CADM2: variants seen among roughly 807,000 people sequenced by gnomAD.
CADM2 encodes the protein cell adhesion molecule 2.
Under a neutral mutation model 49.8 loss-of-function variants are expected in CADM2, and 12 were observed. The ratio of observed to expected loss-of-function variants is 0.24; its 90% CI spans 0.15 to 0.39. The LOEUF (loss-of-function observed/expected upper bound fraction) is 0.39. CADM2 is among the 10% of genes least tolerant of loss of function. The pLI is 1.00. For missense variants in CADM2, 378 were observed against 492.3 expected, an observed-to-expected ratio of 0.77 and a Z score of 2.20; for synonymous variants, 214 against 175.4, an observed-to-expected ratio of 1.22 and a Z score of -1.74.
At chr3:86,022,907 T>C (rs1007242390) in intron 8 of CADM2, among the ~76,000 whole-genome samples, 3 of 152,198 alleles carry the variant, frequency 2.0e-5, no homozygotes, top group African/African-American at 7.2e-5. Context: ...ATGGACATTC[T>C]ATTGCTACTT....
At chr3:85,749,632 A>G (rs1205374575) in intron 2 of CADM2, among the ~76,000 whole-genome samples, 1 of 152,016 alleles carries the variant, frequency 6.6e-6, no homozygotes, top group Non-Finnish European at 1.5e-5. Flanking sequence ...ACTATAGACA[A>G]GTTTTGTGTA....
intron 1 of CADM2, among the ~76,000 whole-genome samples, chr3:85,250,075 A>C (rs1411050162): frequency 6.6e-6 from 1 of 151,830 alleles, no homozygotes; most frequent in Non-Finnish European, 1.5e-5. Context: ...ATAAATTTGA[A>C]ACATCTGTTG....
chr3:85,372,413 A>G (rs75992504), intron 1 of CADM2, among the ~76,000 whole-genome samples: 1 of 76,774 alleles, frequency 1.3e-5, no homozygotes, highest in Non-Finnish European at 2.8e-5. Context: ...ATGTATATAT[A>G]TGTATATATG....
intron 1 of CADM2, among the ~76,000 whole-genome samples, chr3:85,402,787 G>C (rs2035178737): frequency 6.6e-6 from 1 of 152,098 alleles, no homozygotes; most frequent in African/African-American, 2.4e-5. Context: ...AAATCTTTTT[G>C]TCACCATGAA....
At chr3:85,594,939 A>T (rs577368847) in intron 1 of CADM2, among the ~76,000 whole-genome samples, 3 of 152,176 alleles carry the variant, frequency 2.0e-5, no homozygotes, top group African/African-American at 7.2e-5. Context: ...AATAGAAAAC[A>T]ATCAGGCTCT....
At chr3:85,741,441 G>A (rs532908628) in intron 2 of CADM2, among the ~76,000 whole-genome samples, 4 of 152,190 alleles carry the variant, frequency 2.6e-5, no homozygotes, top group South Asian at 2.1e-4. Context: ...AGGCCGGGGC[G>A]GGGGGATCAC....
At position 85,218,170 on chromosome 3, in the gene CADM2, A is replaced by C. The variant is rs534502263; in HGVS notation, c.61+258502A>C. 1.8e-3 allele frequency among the ~76,000 whole-genome samples: 273 copies of C among 152,292 alleles called. 1 individual carries two copies. The highest frequency in any genetic ancestry group is 6.3e-3 in the African/African-American group (262 of 41,560). On this transcript the variant is annotated intron_variant, in intron 1 of 9. Coordinates refer to ENST00000383699, the MANE Select transcript of CADM2 (RefSeq NM_001167675.2). The stretch of plus-strand genomic sequence containing the variant: ...AGAGTCTTTTTTTAAAAAAAATTAT[A>C]AAAGTGGAAATTGTGTACTAGCTTA...
chr3:85,670,965 GA>G (rs2065717882), intron 1 of CADM2, among the ~76,000 whole-genome samples: 2 of 152,104 alleles, frequency 1.3e-5, no homozygotes, highest in South Asian at 4.1e-4. Flanking sequence ...GCCTGCCAAA[GA>G]AAAGTCAAAG....
intron 1 of CADM2, among the ~76,000 whole-genome samples, chr3:85,282,695 A>G (rs566703857): frequency 1.3e-5 from 2 of 152,180 alleles, no homozygotes; most frequent in South Asian, 2.1e-4. Flanking sequence ...TTGGCTTACA[A>G]TATTCCTCAA....
chr3:85,903,447 A>G (rs886591937), intron 5 of CADM2, among the ~76,000 whole-genome samples: 3 of 152,060 alleles, frequency 2.0e-5, no homozygotes, highest in African/African-American at 7.2e-5. Context: ...TCATTTTTGA[A>G]AAATAATTTT....
intron 1 of CADM2, among the ~76,000 whole-genome samples, chr3:85,365,165 G>A (rs1647444932): frequency 6.8e-6 from 1 of 146,230 alleles, no homozygotes; most frequent in Admixed American, 6.9e-5. Context: ...ATTCTTGGTG[G>A]GTCAAGAATT....
intron 1 of CADM2, among the ~76,000 whole-genome samples, chr3:85,238,475 C>A (rs748845163): frequency 3.9e-5 from 6 of 151,910 alleles, no homozygotes; most frequent in Admixed American, 1.3e-4. Flanking sequence ...TGGTTCAGCT[C>A]CCAGAGGTTA....
At chr3:85,201,543 C>T (rs895242752) in intron 1 of CADM2, among the ~76,000 whole-genome samples, 1 of 152,210 alleles carries the variant, frequency 6.6e-6, no homozygotes, top group East Asian at 1.9e-4. Flanking sequence ...ATGAAGTTTG[C>T]CGCATTGATT....
At chr3:85,894,241 G>T (rs1477806726) in intron 5 of CADM2, among the ~76,000 whole-genome samples, 2 of 152,036 alleles carry the variant, frequency 1.3e-5, no homozygotes, top group African/African-American at 2.4e-5. Flanking sequence ...GCAAACTATT[G>T]CAATGACAAA....
intron 3 of CADM2, among the ~76,000 whole-genome samples, chr3:85,827,680 G>A (rs373866210): frequency 5.8e-4 from 88 of 152,028 alleles, no homozygotes; most frequent in African/African-American, 2.0e-3. Context: ...GGTTTCAAAA[G>A]GAAAATCTTC....
rs551825164 is a variant in CADM2, at chr3:85,088,956, G to A, written c.61+129288G>A. On this transcript the variant is annotated intron_variant, in intron 1 of 9. Transcript: ENST00000383699. ...ATTATCAGATGTGTTTAGTAGGCAC[G>A]GGAAGTATATAAGACACCTAGGGGA... Among the ~76,000 whole-genome samples the A allele has an allele frequency of 2.0e-5, 3 of 152,108 alleles. No individual in the cohort carries two copies. In the East Asian group the frequency reaches 5.8e-4, roughly 29 times the overall value.
intron 1 of CADM2, among the ~76,000 whole-genome samples, chr3:85,251,138 C>T (rs975570372): frequency 6.6e-6 from 1 of 151,566 alleles, no homozygotes; most frequent in Non-Finnish European, 1.5e-5. Flanking sequence ...GAACAGTAAC[C>T]ATTATTGAAT....
chr3:85,977,374 G>A (rs1726923522), intron 8 of CADM2, among the ~76,000 whole-genome samples: 1 of 151,340 alleles, frequency 6.6e-6, no homozygotes, highest in South Asian at 2.1e-4. Context: ...TTTACATGGA[G>A]TTTTAAATGC....
chr3:85,329,626 T>C (rs1407672258), intron 1 of CADM2, among the ~76,000 whole-genome samples: 1 of 151,838 alleles, frequency 6.6e-6, no homozygotes, highest in Non-Finnish European at 1.5e-5. Flanking sequence ...CAAATACACA[T>C]CATATTTATT....
Sources: gnomAD v4.1 joint callset for allele counts (sites outside exome capture counted in the v4.1 genomes callset) on GRCh38, gnomAD v4.1.1 for gene constraint, MANE v1.5 for transcripts, NCBI Gene and HGNC (gene_info 2026-07-23, HGNC 2026-07-21) for gene names.